Variants in PIGK observed in about 807,000 individuals in gnomAD.
PIGK encodes GPI-anchor transamidase.
A neutral mutation model predicts 50.6 loss-of-function variants in PIGK; 42 were observed. The ratio of observed to expected loss-of-function variants is 0.83; its 90% CI spans 0.65 to 1.07. PIGK has a LOEUF of 1.07. Ranked by LOEUF, PIGK falls within the 50% of genes least tolerant of loss-of-function variation. PIGK has a pLI of 0.00. For missense variants in PIGK, 448 were observed against 488.7 expected (o/e 0.92, Z 0.78); for synonymous variants, 151 against 156.0 (o/e 0.97, Z 0.24).
At chr1:77,165,295 C>A (rs1449493715) in intron 5 of PIGK, among the ~76,000 whole-genome samples, 1 of 151,874 alleles carries the variant, frequency 6.6e-6, no homozygotes, top group Non-Finnish European at 1.5e-5. Flanking sequence ...TCTTGTTTGC[C>A]ATAAAAGCTT....
At chr1:77,204,692 A>G (rs1343758172) in intron 3 of PIGK, among the ~76,000 whole-genome samples, 1 of 152,178 alleles carries the variant, frequency 6.6e-6, no homozygotes, top group African/African-American at 2.4e-5. Context: ...ACACTTAGGA[A>G]AAATAGAAAA....
intron 10 of PIGK, among the ~76,000 whole-genome samples, chr1:77,096,015 T>A (rs1189098784): frequency 2.0e-5 from 3 of 152,112 alleles, no homozygotes; most frequent in Non-Finnish European, 2.9e-5. Flanking sequence ...AGAGAAGATC[T>A]CCCTGAGAAA....
chr1:77,166,918 T>C (rs1655247955), intron 4 of PIGK, 88 bp from the exon 5 acceptor site: 2 of 707,014 alleles, frequency 2.8e-6, no homozygotes, highest in South Asian at 1.7e-5. Context: ...ATGTTCATTG[T>C]TCTTTCTCCA....
rs1006146099 is a variant in PIGK, at chr1:77,171,266, C to G, written c.240-1871G>C. On this transcript the variant is annotated intron_variant, in intron 3 of 10. Transcript: ENST00000370812. Reference sequence around the variant, plus strand: ...CCTGGTTAACACAGTGAAACCCTGTCTCTACTAAAAATACAAAAAAATTAG... The same window carrying G: ...CCTGGTTAACACAGTGAAACCCTGTGTCTACTAAAAATACAAAAAAATTAG... Among the ~76,000 whole-genome samples, 3 of 151,284 alleles carry G rather than the reference C, an allele frequency of 2.0e-5. No individual in the cohort carries two copies. In the East Asian group the frequency reaches 5.9e-4, roughly 30 times the overall value.
chr1:77,148,828 C>A (rs1035336941), intron 9 of PIGK, among the ~76,000 whole-genome samples: 1 of 151,882 alleles, frequency 6.6e-6, no homozygotes, highest in Admixed American at 6.6e-5. Flanking sequence ...AATTATCCTG[C>A]CTCACCCTCT....
rs1308335157 is a variant in PIGK, at chr1:77,179,164, C to A, written c.240-9769G>T. Among the ~76,000 whole-genome samples, 5 of 152,202 alleles carry A rather than the reference C, an allele frequency of 3.3e-5. No homozygotes were observed. In the South Asian group the frequency reaches 6.2e-4, roughly 19 times the overall value. On this transcript the variant is annotated intron_variant, in intron 3 of 10. Coordinates refer to ENST00000370812, the MANE Select transcript of PIGK (RefSeq NM_005482.3). ...ACGTTCCAACATCAGGAGGTACCCT[C>A]TACTCAGTCCTTGGTCCTACCTTTG...
At chr1:77,187,114 T>C (rs1655768454) in intron 3 of PIGK, among the ~76,000 whole-genome samples, 1 of 152,166 alleles carries the variant, frequency 6.6e-6, no homozygotes, top group African/African-American at 2.4e-5. Context: ...AGCAGTGGGC[T>C]CGTGCTCATG....
intron 1 of PIGK, among the ~76,000 whole-genome samples, chr1:77,213,187 A>T (rs1656459511): frequency 6.6e-6 from 1 of 152,170 alleles, no homozygotes; most frequent in African/African-American, 2.4e-5. Flanking sequence ...AGCCTCCCAA[A>T]GTGCTGGGAT....
At chr1:77,202,472 TGAAG>T (rs1278512718) in intron 3 of PIGK, among the ~76,000 whole-genome samples, 4 of 152,002 alleles carry the variant, frequency 2.6e-5, no homozygotes, top group Non-Finnish European at 5.9e-5. Context: ...TGCAAGGTAA[TGAAG>T]GACAATACAG....
chr1:77,160,517 C>T (rs17099982), intron 8 of PIGK, among the ~76,000 whole-genome samples: 5,678 of 152,288 alleles, frequency 0.037, 207 homozygotes, highest in South Asian at 0.21. Context: ...AAAGCAGGAA[C>T]GGCATCTGCC....
chr1:77,144,650 A>G (rs1654727203), intron 9 of PIGK, among the ~76,000 whole-genome samples: 1 of 151,884 alleles, frequency 6.6e-6, no homozygotes. Flanking sequence ...AAAGCAACTC[A>G]ATAGACGCTT....
At chr1:77,103,427 A>C (rs968905) in intron 10 of PIGK, among the ~76,000 whole-genome samples, 4,122 of 152,306 alleles carry the variant, frequency 0.027, 184 homozygotes, top group African/African-American at 0.095. Context: ...GTTTAGGGGT[A>C]ATCAGAGTTA....
chr1:77,199,812 C>T (rs748183688), intron 3 of PIGK, among the ~76,000 whole-genome samples: 17 of 151,966 alleles, frequency 1.1e-4, no homozygotes, highest in Non-Finnish European at 2.2e-4. Flanking sequence ...AGAATTACAA[C>T]AGTTAATATT....
intron 9 of PIGK, among the ~76,000 whole-genome samples, chr1:77,145,782 T>C (rs560611877): frequency 4.7e-4 from 72 of 152,142 alleles, no homozygotes; most frequent in African/African-American, 1.5e-3. Context: ...GGAGGACTTA[T>C]ATAATTTCAG....
rs184324834 is a variant in PIGK at position 77,192,072 on chromosome 1, C to T, written c.239+14568G>A. ...ACTGCTTGTGCCCAGGAGGTCCAGG[C>T]TGCAGTGAGCCGAGACCGCGCCACT... On this transcript the variant is annotated intron_variant, in intron 3 of 10. Transcript: ENST00000370812. 2.6e-5 allele frequency among the ~76,000 whole-genome samples: 4 copies of T among 152,048 alleles called. No homozygotes were observed. The East Asian group carries it at 7.7e-4, about 29-fold the overall frequency.
intron 10 of PIGK, among the ~76,000 whole-genome samples, chr1:77,117,970 G>T (rs1654016736): frequency 6.6e-6 from 1 of 151,982 alleles, no homozygotes; most frequent in Admixed American, 6.6e-5. Flanking sequence ...GCATCACTGA[G>T]TATTACTACT....
At chr1:77,096,995 G>A (rs1165305925) in intron 10 of PIGK, among the ~76,000 whole-genome samples, 1 of 149,968 alleles carries the variant, frequency 6.7e-6, no homozygotes, top group Non-Finnish European at 1.5e-5. Flanking sequence ...ATTCACAATA[G>A]CAAAGACTTG....
intron 9 of PIGK, among the ~76,000 whole-genome samples, chr1:77,135,921 TATC>T (rs1449555990): frequency 5.3e-5 from 8 of 152,202 alleles, no homozygotes; most frequent in African/African-American, 1.7e-4. Flanking sequence ...TCATTGTCAT[TATC>T]ATCATAATTA....
intron 8 of PIGK, 66 bp from the exon 9 acceptor site, chr1:77,154,687 C>T (rs554768086): frequency 3.7e-5 from 37 of 1,000,282 alleles, no homozygotes; most frequent in Non-Finnish European, 5.6e-5. Flanking sequence ...AATCCAATCA[C>T]ATAATTCACT....
Sources: allele counts gnomAD v4.1 joint callset (sites outside exome capture counted in the v4.1 genomes callset), GRCh38; gene constraint gnomAD v4.1.1; transcripts MANE v1.5; gene names NCBI Gene and HGNC (gene_info 2026-07-23, HGNC 2026-07-21).